Variants in PIP5K1C observed in about 807,000 individuals in gnomAD.
PIP5K1C encodes the protein phosphatidylinositol 4-phosphate 5-kinase type-1 gamma.
PIP5K1C carries 45 observed loss-of-function variants against 80.1 expected under a neutral mutation model. That is an observed-to-expected ratio of 0.56 (90% CI 0.44 to 0.72). The LOEUF is 0.72. Among genes scored for constraint, PIP5K1C ranks in the 30% least tolerant of loss-of-function variants. PIP5K1C has a pLI of 0.00. For missense variants in PIP5K1C, 753 were observed against 954.6 expected (o/e 0.79, Z 2.78); for synonymous variants, 498 against 420.1 (o/e 1.19, Z -2.27).
intron 10 of PIP5K1C, 94 bp from the exon 11 acceptor site, chr19:3,646,152 G>T: frequency 1.3e-6 from 1 of 784,790 alleles, no homozygotes. Context: ...TGTGTGGGGG[G>T]CACCTTCTGT....
At position 3,700,406 on chromosome 19, in the gene PIP5K1C, G is replaced by C. The variant is rs774974371; in HGVS notation, c.-16C>G. 12 of 1,098,988 alleles carry C rather than the reference G, an allele frequency of 1.1e-5. No individual in the cohort carries two copies. In the South Asian group the frequency reaches 3.1e-4, roughly 29 times the overall value. 68.1% of individuals were successfully genotyped at this position (1,098,988 alleles called of 1,614,324 possible). A position where few individuals can be genotyped will look rare whatever the true frequency, so the allele number is the denominator to read the frequency against. On this transcript the variant is annotated 5_prime_UTR_variant, in exon 1 of 18. Coordinates refer to ENST00000335312, the MANE Select transcript of PIP5K1C (RefSeq NM_012398.3). ...CCAGCTCCATGGCCGCGCGCGGACGGCGGCGGGGGCGCCCGAGGGGGACCC... is the reference window on the plus strand; with the variant it reads ...CCAGCTCCATGGCCGCGCGCGGACGCCGGCGGGGGCGCCCGAGGGGGACCC...
chr19:3,651,616 A>G (rs1197187794), intron 8 of PIP5K1C, among the ~76,000 whole-genome samples: 2 of 152,104 alleles, frequency 1.3e-5, no homozygotes, highest in African/African-American at 4.8e-5. Context: ...ATTGCAAGCC[A>G]AGGCCCGGAA....
intron 14 of PIP5K1C, among the ~76,000 whole-genome samples, 188 bp downstream of exon 14, chr19:3,642,719 C>T (rs778267893): frequency 3.3e-5 from 5 of 152,158 alleles, no homozygotes; most frequent in Admixed American, 1.3e-4. Flanking sequence ...GCTGCCCTGG[C>T]TCTGGCTGTA....
At chr19:3,663,065 C>T (rs901056613) in intron 3 of PIP5K1C, among the ~76,000 whole-genome samples, 1 of 152,080 alleles carries the variant, frequency 6.6e-6, no homozygotes, top group Non-Finnish European at 1.5e-5. Context: ...AAGGTTGCGC[C>T]ATGTTGCCCA....
chr19:3,639,518 A>C (rs1385296169), intron 15 of PIP5K1C, among the ~76,000 whole-genome samples: 1 of 151,684 alleles, frequency 6.6e-6, no homozygotes, highest in Non-Finnish European at 1.5e-5. Context: ...TACAGCCTCC[A>C]CCGCCCGGGC....
intron 1 of PIP5K1C, among the ~76,000 whole-genome samples, chr19:3,669,304 G>A (rs575257569): frequency 3.4e-4 from 52 of 152,328 alleles, no homozygotes; most frequent in African/African-American, 1.2e-3. Context: ...TCTGGGCTGG[G>A]CAGCAGTGCG....
At chr19:3,651,734 C>T in intron 8 of PIP5K1C, 92 bp downstream of exon 8, 1 of 1,305,728 alleles carries the variant, frequency 7.7e-7, no homozygotes, top group Non-Finnish European at 1.1e-6. Context: ...GCCAGCCCTC[C>T]CTGCCTGTTT....
intron 1 of PIP5K1C, among the ~76,000 whole-genome samples, chr19:3,680,316 T>G (rs1295114883): frequency 1.3e-5 from 2 of 152,290 alleles, no homozygotes; most frequent in East Asian, 3.9e-4. Flanking sequence ...CTTTTCTTTT[T>G]TCTTTTGAGA....
intron 1 of PIP5K1C, among the ~76,000 whole-genome samples, chr19:3,675,256 T>G (rs2035323349): frequency 6.6e-6 from 1 of 152,206 alleles, no homozygotes; most frequent in Non-Finnish European, 1.5e-5. Flanking sequence ...GAATTTTGTG[T>G]CCCAGAAAAG....
chr19:3,664,411 G>T (rs1283430892), intron 3 of PIP5K1C, among the ~76,000 whole-genome samples: 1 of 152,178 alleles, frequency 6.6e-6, no homozygotes, highest in East Asian at 1.9e-4. Flanking sequence ...GCCCTAGGTG[G>T]GGGTGGGAAC....
At chr19:3,691,072 T>C (rs996763669) in intron 1 of PIP5K1C, among the ~76,000 whole-genome samples, 2 of 152,182 alleles carry the variant, frequency 1.3e-5, no homozygotes, top group Admixed American at 1.3e-4. Context: ...TCTAGTGGTC[T>C]CTGCTCCCCT....
intron 1 of PIP5K1C, among the ~76,000 whole-genome samples, chr19:3,676,998 A>G (rs1420390171): frequency 6.6e-6 from 1 of 152,162 alleles, no homozygotes; most frequent in East Asian, 1.9e-4. Context: ...GCTACTTGGG[A>G]GGCTGAGGCG....
rs11668165 is a variant in PIP5K1C at position 3,690,091 on chromosome 19, C to T, written c.94+10206G>A. ...TGAGGTGGGACTCACTTTTTACTCA[C>T]TGCAAGTCTGATTACTTTTTTTTTT... On this transcript the variant is annotated intron_variant, in intron 1 of 17. Coordinates refer to ENST00000335312, the MANE Select transcript of PIP5K1C (RefSeq NM_012398.3). Among the ~76,000 whole-genome samples the T allele has an allele frequency of 1.3e-3, 196 of 151,110 alleles. No individual in the cohort carries two copies. In the Middle Eastern group the frequency reaches 0.014, roughly 10 times the overall value.
chr19:3,677,454 G>A (rs2035394817), intron 1 of PIP5K1C, among the ~76,000 whole-genome samples: 1 of 151,740 alleles, frequency 6.6e-6, no homozygotes, highest in Non-Finnish European at 1.5e-5. Flanking sequence ...GTGGTGGCCA[G>A]TGCCTGTAAT....
At chr19:3,674,097 C>G (rs2035288895) in intron 1 of PIP5K1C, 1 of 152,194 alleles carries the variant, frequency 6.6e-6, no homozygotes. Flanking sequence ...AGGCCAGCTC[C>G]CTGCAAAAAG....
chr19:3,668,450 G>C (rs1002565616), intron 1 of PIP5K1C: 1 of 152,354 alleles, frequency 6.6e-6, no homozygotes, highest in East Asian at 1.9e-4. Flanking sequence ...GCTGTGAAGA[G>C]GGAGGAAGGG....
intron 1 of PIP5K1C, among the ~76,000 whole-genome samples, chr19:3,682,892 A>G (rs2035629594): frequency 6.6e-6 from 1 of 151,858 alleles, no homozygotes; most frequent in East Asian, 1.9e-4. Context: ...TGTTGCCTCA[A>G]TGAACGTTTG....
At chr19:3,655,344 G>A (rs922857777) in intron 6 of PIP5K1C, among the ~76,000 whole-genome samples, 1 of 152,056 alleles carries the variant, frequency 6.6e-6, no homozygotes, top group Non-Finnish European at 1.5e-5. Flanking sequence ...CTTGAACCCA[G>A]GAGGGGGAGG....
intron 1 of PIP5K1C, among the ~76,000 whole-genome samples, chr19:3,689,344 C>G (rs2035874390): frequency 2.0e-5 from 3 of 152,282 alleles, no homozygotes; most frequent in Middle Eastern, 3.4e-3. Context: ...TCTGCAGCAG[C>G]TTCACAAAGG....
Sources: allele counts gnomAD v4.1 joint callset (sites outside exome capture counted in the v4.1 genomes callset), GRCh38; gene constraint gnomAD v4.1.1; transcripts MANE v1.5; gene names NCBI Gene and HGNC (gene_info 2026-07-23, HGNC 2026-07-21).